The following EEPD1 variants were observed in gnomAD, a reference collection of about 807,000 sequenced individuals.
EEPD1 encodes endonuclease/exonuclease/phosphatase family domain containing 1.
Under a neutral mutation model 46.3 loss-of-function variants are expected in EEPD1, and 17 were observed. The observed-to-expected ratio is 0.37, with a 90% CI of 0.25 to 0.55. EEPD1 has a LOEUF of 0.55. Ranked by LOEUF, EEPD1 falls within the 20% of genes least tolerant of loss-of-function variation. The probability of loss-of-function intolerance (pLI) is 0.83; values close to 1 mark genes in which losing one functional copy is unlikely to be tolerated. For synonymous variants in EEPD1, 313 were observed against 315.6 expected (o/e 0.99, Z 0.09); for missense variants, 673 against 745.6 (o/e 0.90, Z 1.13).
intron 3 of EEPD1, among the ~76,000 whole-genome samples, chr7:36,241,087 C>T (rs4723498): frequency 0.43 from 65,586 of 151,912 alleles, 14,367 homozygotes; most frequent in Non-Finnish European, 0.46. Flanking sequence ...TATGTGAGTT[C>T]CTTGTATGTT....
At chr7:36,213,447 AC>A (rs1785971577) in intron 2 of EEPD1, among the ~76,000 whole-genome samples, 1 of 152,236 alleles carries the variant, frequency 6.6e-6, no homozygotes, top group Non-Finnish European at 1.5e-5. Context: ...TAGAGGCCCA[AC>A]AGATGTTGAA....
chr7:36,261,402 T>C (rs767903321), intron 3 of EEPD1, among the ~76,000 whole-genome samples: 3 of 152,304 alleles, frequency 2.0e-5, no homozygotes, highest in Middle Eastern at 3.4e-3. Flanking sequence ...TTTTACTTTT[T>C]AGCAGAAAGA....
At chr7:36,228,596 C>T (rs1015069323) in intron 2 of EEPD1, 1 of 151,930 alleles carries the variant, frequency 6.6e-6, no homozygotes, top group Admixed American at 6.6e-5. Context: ...AAAAGTTATT[C>T]TGCAGACACA....
chr7:36,216,408 G>A (rs555745871), intron 2 of EEPD1, among the ~76,000 whole-genome samples: 12 of 152,294 alleles, frequency 7.9e-5, no homozygotes, highest in East Asian at 3.9e-4. Flanking sequence ...TTTAAACTGC[G>A]TAATAACACC....
Position 36,193,972 on chromosome 7 carries a change from A to G in EEPD1, c.878+38770A>G, listed in dbSNP as rs1026879024. The stretch of plus-strand genomic sequence containing the variant: ...CATCCTCAGAGCCCTGCAGGTCCCC[A>G]CCAGTCCCAGGACTTGCCGGTTCTG... On this transcript the variant is annotated intron_variant, in intron 2 of 7. Coordinates refer to ENST00000242108, the MANE Select transcript of EEPD1 (RefSeq NM_030636.3). This position sits in a 1 kb window ranked among gnomAD's most constrained non-coding sequence, Gnocchi z 4.9. Among the ~76,000 whole-genome samples, 2 of 152,246 alleles carry G rather than the reference A, an allele frequency of 1.3e-5. No homozygotes were observed. Among genetic ancestry groups the G allele is most frequent in the Admixed American group, 6.5e-5 (1 of 15,308 alleles).
chr7:36,239,031 G>A lies in EEPD1; in HGVS notation c.925G>A (p.Glu309Lys). 1 of 1,611,316 alleles carries A rather than the reference G, an allele frequency of 6.2e-7. No individual in the cohort carries two copies. Among genetic ancestry groups the A allele is most frequent in the Non-Finnish European group, 8.5e-7 (1 of 1,179,436 alleles). ...AGAACTGCTTGACAGAGAGGCCTTG[G>A]AAAAGGTAAATATTTTACTCTTCCT... ...VQELLDREALEKFCTELNQPT... is the reference protein window; with the variant it reads ...VQELLDREALKKFCTELNQPT... The change falls in exon 3 of 8, where the codon GAA (glutamate) becomes AAA (lysine). Residue 309 changes from glutamate to lysine, a missense_variant. Coordinates refer to ENST00000242108, the MANE Select transcript of EEPD1 (RefSeq NM_030636.3).
intron 2 of EEPD1, among the ~76,000 whole-genome samples, chr7:36,178,469 T>A (rs566587245): frequency 1.4e-4 from 21 of 152,366 alleles, no homozygotes; most frequent in African/African-American, 5.0e-4. Flanking sequence ...CATCTCATGA[T>A]TCCTCCAGCT....
intron 6 of EEPD1, among the ~76,000 whole-genome samples, chr7:36,289,670 A>G (rs1381369873): frequency 2.0e-5 from 3 of 151,892 alleles, no homozygotes; most frequent in Non-Finnish European, 4.4e-5. Flanking sequence ...AATTTTTTGT[A>G]TTTTTAGTAG....
intron 2 of EEPD1, among the ~76,000 whole-genome samples, chr7:36,182,383 G>C (rs1317783029): frequency 6.6e-6 from 1 of 152,210 alleles, no homozygotes; most frequent in Non-Finnish European, 1.5e-5. Flanking sequence ...AGTCCATGGT[G>C]GGGGCACGGG....
intron 2 of EEPD1, among the ~76,000 whole-genome samples, chr7:36,195,773 G>A (rs1785570972): frequency 6.6e-6 from 1 of 152,128 alleles, no homozygotes; most frequent in African/African-American, 2.4e-5. Flanking sequence ...AAAAAAAATG[G>A]TAAGGATGTG....
chr7:36,264,994 A>G (rs1286019971), intron 3 of EEPD1, among the ~76,000 whole-genome samples: 3 of 152,200 alleles, frequency 2.0e-5, no homozygotes, highest in Admixed American at 6.5e-5. Flanking sequence ...AGGATTTGAC[A>G]TAATACAGAT....
At chr7:36,273,765 A>G (rs1026831481) in intron 3 of EEPD1, among the ~76,000 whole-genome samples, 2 of 152,096 alleles carry the variant, frequency 1.3e-5, no homozygotes, top group East Asian at 3.9e-4. Context: ...TGAGGCGCAA[A>G]GATGTTCAGT....
chr7:36,177,238 GT>G (rs11354084), intron 2 of EEPD1, among the ~76,000 whole-genome samples: 147,089 of 149,904 alleles, frequency 0.98, 72,184 homozygotes, highest in Non-Finnish European at 1. Context: ...CTTACTTGAG[GT>G]TTTTTTTTTT....
chr7:36,189,299 G>A (rs978110630), intron 2 of EEPD1, among the ~76,000 whole-genome samples: 1 of 152,120 alleles, frequency 6.6e-6, no homozygotes, highest in Non-Finnish European at 1.5e-5. Context: ...GAATTCTGAA[G>A]GACAGAACAT....
intron 2 of EEPD1, among the ~76,000 whole-genome samples, chr7:36,171,417 AC>A (rs1785078667): frequency 6.6e-6 from 1 of 152,240 alleles, no homozygotes; most frequent in Non-Finnish European, 1.5e-5. Context: ...AATTAATTTC[AC>A]TTGTACAAAA....
chr7:36,205,401 T>G (rs539611894), intron 2 of EEPD1, among the ~76,000 whole-genome samples: 76 of 152,354 alleles, frequency 5.0e-4, no homozygotes, highest in African/African-American at 1.8e-3. Flanking sequence ...AAGATTCATC[T>G]CCTTACACAT....
chr7:36,184,117 AT>A (rs1785321507), intron 2 of EEPD1, among the ~76,000 whole-genome samples: 4 of 152,110 alleles, frequency 2.6e-5, no homozygotes, highest in African/African-American at 9.7e-5. Flanking sequence ...CAGTTACTCA[AT>A]TTGCTATTGT....
At chr7:36,288,693 T>C (rs1258477439) in intron 6 of EEPD1, among the ~76,000 whole-genome samples, 1 of 150,924 alleles carries the variant, frequency 6.6e-6, no homozygotes, top group Non-Finnish European at 1.5e-5. Context: ...GCCCAGGAAG[T>C]CGAGGCTGCA....
At chr7:36,197,901 AT>A (rs1251924215) in intron 2 of EEPD1, among the ~76,000 whole-genome samples, 1 of 151,974 alleles carries the variant, frequency 6.6e-6, no homozygotes, top group African/African-American at 2.4e-5. Context: ...AAAAAAAAAA[AT>A]AAAAAAATAA....
Sources: allele counts gnomAD v4.1 joint callset (sites outside exome capture counted in the v4.1 genomes callset), GRCh38; gene constraint gnomAD v4.1.1; non-coding constraint Gnocchi (gnomAD v3.1); transcripts MANE v1.5; gene names NCBI Gene and HGNC (gene_info 2026-07-23, HGNC 2026-07-21).